Variants in DCC observed in about 807,000 individuals in gnomAD.
DCC encodes the protein DCC netrin 1 receptor.
A neutral mutation model predicts 172.5 loss-of-function variants in DCC; 58 were observed. The observed-to-expected ratio is 0.34, with a 90% CI of 0.27 to 0.42. The LOEUF is 0.42. DCC is among the 10% of genes least tolerant of loss of function. DCC has a pLI of 1.00. For synonymous variants in DCC, 709 were observed against 644.5 expected (o/e 1.10, Z -1.52); for missense variants, 1,740 against 1,791.0 (o/e 0.97, Z 0.51).
intron 1 of DCC, among the ~76,000 whole-genome samples, chr18:52,546,151 C>T (rs1006590431): frequency 6.6e-6 from 1 of 152,076 alleles, no homozygotes; most frequent in African/African-American, 2.4e-5. Flanking sequence ...TATGGGTGTA[C>T]GTGCACACAC....
intron 2 of DCC, among the ~76,000 whole-genome samples, chr18:52,856,408 G>C (rs1034191943): frequency 7.3e-5 from 11 of 151,698 alleles, no homozygotes; most frequent in African/African-American, 2.7e-4. Flanking sequence ...GGCGTTTCAC[G>C]AGGTCAGGAG....
At chr18:53,462,403 T>A (rs1388045883) in intron 24 of DCC, among the ~76,000 whole-genome samples, 1 of 151,894 alleles carries the variant, frequency 6.6e-6, no homozygotes, top group African/African-American at 2.4e-5. Flanking sequence ...GAAGTGCACA[T>A]GTGAGGGATC....
At chr18:53,033,181 C>T (rs1294279155) in intron 5 of DCC, among the ~76,000 whole-genome samples, 4 of 152,052 alleles carry the variant, frequency 2.6e-5, no homozygotes, top group African/African-American at 9.7e-5. Flanking sequence ...TGAAGGAACT[C>T]AACTGGCAAA....
At chr18:53,490,349 G>C (rs12962455) in intron 26 of DCC, among the ~76,000 whole-genome samples, 75,279 of 151,976 alleles carry the variant, frequency 0.5, 19,875 homozygotes, top group Non-Finnish European at 0.61. Context: ...AGAGTTATTG[G>C]CTTGCTATAT....
chr18:52,977,325 C>T (rs905028343), intron 5 of DCC, among the ~76,000 whole-genome samples: 2 of 152,046 alleles, frequency 1.3e-5, no homozygotes, highest in African/African-American at 4.8e-5. Context: ...AAAATATACC[C>T]TACCTGGGCC....
intron 7 of DCC, 134 bp downstream of exon 7, chr18:53,066,300 T>C (rs1450589360): frequency 1.6e-5 from 12 of 752,408 alleles, no homozygotes; most frequent in East Asian, 3.0e-5. Context: ...TTAAGGTGTA[T>C]ACTTGTGTAT....
At chr18:53,442,905 C>T (rs1015902748) in intron 22 of DCC, among the ~76,000 whole-genome samples, 1 of 152,170 alleles carries the variant, frequency 6.6e-6, no homozygotes, top group Admixed American at 6.5e-5. Context: ...CCCTAAGTCT[C>T]TTCAATTCTG....
chr18:53,373,299 T>C (rs1478832937), intron 15 of DCC, among the ~76,000 whole-genome samples: 3 of 152,218 alleles, frequency 2.0e-5, no homozygotes, highest in African/African-American at 4.8e-5. Flanking sequence ...ATCTAGTGAA[T>C]ATTCCTGCGG....
chr18:52,910,310 T>C (rs929776532), intron 3 of DCC, among the ~76,000 whole-genome samples: 9 of 152,258 alleles, frequency 5.9e-5, no homozygotes, highest in South Asian at 4.2e-4. Context: ...AAACAAATTA[T>C]AGATTTTTTA....
intron 12 of DCC, among the ~76,000 whole-genome samples, chr18:53,293,913 C>T (rs952883621): frequency 7.2e-5 from 11 of 152,132 alleles, no homozygotes; most frequent in African/African-American, 2.4e-4. Flanking sequence ...CACTGGGCTT[C>T]CTGTGTCTCT....
intron 1 of DCC, among the ~76,000 whole-genome samples, chr18:52,588,259 C>A (rs2033722028): frequency 6.6e-6 from 1 of 152,194 alleles, no homozygotes; most frequent in Non-Finnish European, 1.5e-5. Context: ...ATTCCTACTA[C>A]CACTGACACC....
At chr18:52,482,178 C>T (rs985563657) in intron 1 of DCC, among the ~76,000 whole-genome samples, 7 of 152,122 alleles carry the variant, frequency 4.6e-5, no homozygotes, top group Non-Finnish European at 1.0e-4. Flanking sequence ...CACTTCCACC[C>T]CTAATCCTCC....
chr18:52,831,866 A>T (rs1351867006), intron 2 of DCC, among the ~76,000 whole-genome samples: 1 of 152,140 alleles, frequency 6.6e-6, no homozygotes, highest in Non-Finnish European at 1.5e-5. Flanking sequence ...AGTGGGGTTT[A>T]AAGCCATGGG....
At chr18:53,360,501 C>T (rs933397991) in intron 15 of DCC, among the ~76,000 whole-genome samples, 1 of 152,000 alleles carries the variant, frequency 6.6e-6, no homozygotes, top group African/African-American at 2.4e-5. Flanking sequence ...ATAGGAATGA[C>T]ATTTCCCTAA....
At chr18:52,785,003 A>G (rs1385397243) in intron 2 of DCC, among the ~76,000 whole-genome samples, 2 of 151,810 alleles carry the variant, frequency 1.3e-5, no homozygotes, top group African/African-American at 4.8e-5. Flanking sequence ...ACTGCAGCAG[A>G]TTTTATAGGA....
chr18:53,186,293 G>A lies in DCC; in HGVS notation c.1573+7177G>A, dbSNP rs146584868. Among the ~76,000 whole-genome samples the A allele has an allele frequency of 2.0e-5, 3 of 152,324 alleles. No homozygotes were observed. The East Asian group carries it at 5.8e-4, about 29-fold the overall frequency. On this transcript the variant is annotated intron_variant, in intron 9 of 28. Transcript: ENST00000442544. ...GGTTTTCAGGCAGCACGGTCAACTA[G>A]TCTAGGAGAAAGAGGTTCCCTAAGT...
At chr18:53,495,672 G>GTCTTGAGAAGTTCTCCTGGATA (rs1462957201) in intron 26 of DCC, among the ~76,000 whole-genome samples, 1 of 152,128 alleles carries the variant, frequency 6.6e-6, no homozygotes, top group Admixed American at 6.6e-5. Flanking sequence ...ATGTTGGCCT[G>GTCTTGAGAAGTTCTCCTGGATA]TCTTGAGAAG....
At chr18:53,495,701 T>C (rs1364169120) in intron 26 of DCC, among the ~76,000 whole-genome samples, 11 of 152,198 alleles carry the variant, frequency 7.2e-5, no homozygotes. Flanking sequence ...GATAATATCC[T>C]GAAGAGTGTC....
intron 22 of DCC, among the ~76,000 whole-genome samples, chr18:53,436,486 G>A (rs1599149629): frequency 6.6e-6 from 1 of 152,102 alleles, no homozygotes; most frequent in African/African-American, 2.4e-5. Flanking sequence ...TAGAATAGTG[G>A]TGTAAATTAA....
Sources: gnomAD v4.1 joint callset for allele counts (sites outside exome capture counted in the v4.1 genomes callset) on GRCh38, gnomAD v4.1.1 for gene constraint, MANE v1.5 for transcripts, NCBI Gene and HGNC (gene_info 2026-07-23, HGNC 2026-07-21) for gene names.